The following IPCEF1 variants were observed in gnomAD, a reference collection of about 807,000 sequenced individuals.
The protein encoded by IPCEF1 is interactor protein for cytohesin exchange factors 1.
IPCEF1 carries 31 observed loss-of-function variants against 50.9 expected under a neutral mutation model. The ratio of observed to expected loss-of-function variants is 0.61; its 90% confidence interval spans 0.46 to 0.82. The LOEUF (loss-of-function observed/expected upper bound fraction) is 0.82. Ranked by LOEUF, IPCEF1 falls within the 40% of genes least tolerant of loss-of-function variation. The pLI, the probability that IPCEF1 is intolerant of heterozygous loss-of-function variation, is 0.00. For missense variants in IPCEF1, 458 were observed against 514.0 expected (o/e 0.89, Z 1.05); for synonymous variants, 181 against 192.0 (o/e 0.94, Z 0.47).
intron 7 of IPCEF1, among the ~76,000 whole-genome samples, chr6:154,214,693 G>T: frequency 6.6e-6 from 1 of 152,098 alleles, no homozygotes. Flanking sequence ...TAGAAAAAAT[G>T]TACGAAAAGA....
chr6:154,160,060 G>C lies in IPCEF1; in HGVS notation c.1105-20C>G, dbSNP rs1157675327. Reference sequence around the variant, plus strand: ...TTTACACTGTGTGAGTAGAAAAAAAGGGGAAGGGGGTATGTTGAGAGTGTC... The same window carrying C: ...TTTACACTGTGTGAGTAGAAAAAAACGGGAAGGGGGTATGTTGAGAGTGTC... On this transcript the variant is annotated intron_variant, in intron 11 of 11. Coordinates refer to ENST00000367220, the MANE Select transcript of IPCEF1 (RefSeq NM_001130700.2). 6.4e-7 allele frequency: 1 copy of C among 1,571,018 alleles called. No homozygotes were observed. The highest frequency in any genetic ancestry group is 1.1e-5 in the South Asian group (1 of 88,678).
chr6:154,251,031 C>T (rs574410731), intron 3 of IPCEF1, among the ~76,000 whole-genome samples: 5 of 152,204 alleles, frequency 3.3e-5, no homozygotes, highest in South Asian at 4.1e-4. Context: ...TCTCCACAAA[C>T]GTTTTTTATC....
At chr6:154,320,094 C>G (rs746254171) in intron 1 of IPCEF1, among the ~76,000 whole-genome samples, 6 of 152,102 alleles carry the variant, frequency 3.9e-5, no homozygotes, top group Non-Finnish European at 4.4e-5. Flanking sequence ...CAGTTTCAAT[C>G]TGCAAAACTG....
Position 154,356,137 on chromosome 6 carries a change from A to G in IPCEF1, c.-62+535T>C, listed in dbSNP as rs531311494. 3.1e-4 allele frequency among the ~76,000 whole-genome samples: 47 copies of G among 152,294 alleles called. No homozygotes were observed. The South Asian group carries it at 6.6e-3, about 21-fold the overall frequency. On this transcript the variant is annotated intron_variant, in intron 1 of 11. Transcript: ENST00000367220. ...CTTTCACATATACCCCAGCAAAGAAAAATCAAGTGCCCCAGACACCCTTAC... is the reference window on the plus strand; with the variant it reads ...CTTTCACATATACCCCAGCAAAGAAGAATCAAGTGCCCCAGACACCCTTAC...
At chr6:154,339,386 T>C (rs1562295377) in intron 1 of IPCEF1, among the ~76,000 whole-genome samples, 2 of 152,090 alleles carry the variant, frequency 1.3e-5, no homozygotes, top group Non-Finnish European at 2.9e-5. Flanking sequence ...CAAGAGTACA[T>C]TGAGTAATAA....
intron 11 of IPCEF1, among the ~76,000 whole-genome samples, chr6:154,162,698 G>T (rs901570096): frequency 1.6e-5 from 2 of 122,778 alleles, no homozygotes; most frequent in African/African-American, 3.0e-5. Context: ...CCTGTTCTCT[G>T]CTCTATCTAT....
chr6:154,207,942 C>T (rs911574707), intron 9 of IPCEF1, among the ~76,000 whole-genome samples: 5 of 152,200 alleles, frequency 3.3e-5, no homozygotes, highest in African/African-American at 1.2e-4. Context: ...CAAAATCTAA[C>T]CATTCCATTT....
At chr6:154,210,632 A>C (rs1036913629) in intron 9 of IPCEF1, among the ~76,000 whole-genome samples, 1 of 152,228 alleles carries the variant, frequency 6.6e-6, no homozygotes, top group Non-Finnish European at 1.5e-5. Context: ...AAAGATATAA[A>C]GAAAATAAAA....
chr6:154,247,860 C>G (rs966516416), intron 3 of IPCEF1, among the ~76,000 whole-genome samples: 1 of 152,162 alleles, frequency 6.6e-6, no homozygotes, highest in Non-Finnish European at 1.5e-5. Context: ...ATATCTGCTT[C>G]TTTTGCAATT....
At chr6:154,320,837 C>T (rs867651544) in intron 1 of IPCEF1, among the ~76,000 whole-genome samples, 30 of 151,914 alleles carry the variant, frequency 2.0e-4, no homozygotes, top group African/African-American at 6.3e-4. Context: ...CAAGACCTCA[C>T]CTTTAAAAAA....
intron 1 of IPCEF1, among the ~76,000 whole-genome samples, chr6:154,344,713 T>A (rs981025863): frequency 6.6e-6 from 1 of 152,158 alleles, no homozygotes; most frequent in Non-Finnish European, 1.5e-5. Flanking sequence ...TGGTCATCCC[T>A]CTCTTCTCCC....
At chr6:154,198,712 A>T (rs1187244688) in intron 10 of IPCEF1, among the ~76,000 whole-genome samples, 1 of 152,086 alleles carries the variant, frequency 6.6e-6, no homozygotes, top group Admixed American at 6.6e-5. Flanking sequence ...TGATACCAAA[A>T]ATTAAATTAG....
At chr6:154,268,261 T>A (rs1449576761) in intron 2 of IPCEF1, among the ~76,000 whole-genome samples, 3 of 152,072 alleles carry the variant, frequency 2.0e-5, no homozygotes, top group Admixed American at 6.5e-5. Context: ...CCCCCAAGAG[T>A]GCAGTGATGC....
At chr6:154,241,103 G>A (rs766395621) in intron 5 of IPCEF1, among the ~76,000 whole-genome samples, 11 of 152,034 alleles carry the variant, frequency 7.2e-5, no homozygotes, top group Non-Finnish European at 1.5e-4. Context: ...GGGCGTGGTG[G>A]TGCACGCCTG....
chr6:154,256,259 C>T (rs1324443608), intron 3 of IPCEF1, among the ~76,000 whole-genome samples: 1 of 152,136 alleles, frequency 6.6e-6, no homozygotes, highest in Non-Finnish European at 1.5e-5. Context: ...AAAATCATCT[C>T]TCTCTGGTCT....
chr6:154,196,684 G>C (rs546068671), intron 10 of IPCEF1, among the ~76,000 whole-genome samples: 14 of 152,264 alleles, frequency 9.2e-5, no homozygotes, highest in African/African-American at 3.1e-4. Context: ...AAGAAATGAG[G>C]AGCACAGGGT....
At chr6:154,309,511 C>T (rs1025387615) in intron 1 of IPCEF1, among the ~76,000 whole-genome samples, 3 of 152,156 alleles carry the variant, frequency 2.0e-5, no homozygotes, top group African/African-American at 4.8e-5. Flanking sequence ...AGATACCATC[C>T]TTATATACCT....
chr6:154,203,733 T>C (rs1056915869), intron 9 of IPCEF1, among the ~76,000 whole-genome samples: 1 of 152,194 alleles, frequency 6.6e-6, no homozygotes, highest in African/African-American at 2.4e-5. Context: ...GAGAACAGGC[T>C]GGTTTTAATC....
Position 154,168,081 on chromosome 6 carries a change from C to T in IPCEF1, c.943G>A (p.Glu315Lys). The T allele has an allele frequency of 6.4e-7, 1 of 1,570,034 alleles. No individual in the cohort carries two copies. Among genetic ancestry groups the T allele is most frequent in the Non-Finnish European group, 8.7e-7 (1 of 1,150,372 alleles). ...TGCTCTAATGATTTGTACAGCTTCT[C>T]CATTTCATCATCTTCAGACACTTTT... ...ETKVSEDDEM[E>K]KLYKSLEQAS... Residue 315 changes from glutamate (E) to lysine (K), a missense_variant, in exon 11 of 12, where the codon GAG becomes AAG. By Grantham distance (56) the Glu-to-Lys change is moderately conservative (BLOSUM62 1). Transcript: ENST00000367220. This position sits in a 1 kb window ranked among gnomAD's most constrained non-coding sequence, Gnocchi z 4.1.
Sources: gnomAD v4.1 joint callset for allele counts (sites outside exome capture counted in the v4.1 genomes callset) on GRCh38, gnomAD v4.1.1 for gene constraint, Gnocchi (gnomAD v3.1) non-coding constraint, MANE v1.5 for transcripts, NCBI Gene and HGNC (gene_info 2026-07-23, HGNC 2026-07-21) for gene names.